VWA3B: variants seen among roughly 807,000 people sequenced by gnomAD.
The protein encoded by VWA3B is von Willebrand factor A domain containing 3B.
A neutral mutation model predicts 158.3 loss-of-function variants in VWA3B; 138 were observed. The observed-to-expected ratio is 0.87, with a 90% CI of 0.76 to 1.00. VWA3B has a LOEUF of 1.00. Among genes scored for constraint, VWA3B ranks in the 50% least tolerant of loss-of-function variants. The probability of loss-of-function intolerance (pLI) is 0.00; values close to 1 mark genes in which losing one functional copy is unlikely to be tolerated. For missense variants in VWA3B, 1,555 were observed against 1,565.1 expected, an observed-to-expected ratio of 0.99 and a Z score of 0.11; for synonymous variants, 596 against 587.3, an observed-to-expected ratio of 1.01 and a Z score of -0.21.
Position 98,312,347 on chromosome 2 carries a change from T to A in VWA3B, c.3883T>A (p.Ter1295LysextTer32), listed in dbSNP as rs199954612. 127 of 1,605,932 alleles carry A rather than the reference T, an allele frequency of 7.9e-5. No individual in the cohort carries two copies. In the East Asian group the frequency reaches 2.8e-3, roughly 35 times the overall value. Residue 1295 changes from the stop codon to lysine, a stop_lost, in exon 28 of 28, where the codon TAA (stop) becomes AAA (lysine). Transcript: ENST00000477737. Reference sequence around the variant, plus strand: ...GCTGAGGAGCGTCCCTGAGACACTTTAAGGCCGTCTGGTGGCAGCTATGTT... The same window carrying A: ...GCTGAGGAGCGTCCCTGAGACACTTAAAGGCCGTCTGGTGGCAGCTATGTT... The part of the protein sequence containing the change: ...KGLRSVPETL[*>K]
At chr2:98,155,665 G>A (rs1573927941) in intron 7 of VWA3B, among the ~76,000 whole-genome samples, 1 of 152,172 alleles carries the variant, frequency 6.6e-6, no homozygotes, top group South Asian at 2.1e-4. Flanking sequence ...TCAGCAGGAA[G>A]CAGCCATTAT....
chr2:98,257,874 C>A (rs1472503069), intron 21 of VWA3B, among the ~76,000 whole-genome samples: 2 of 151,796 alleles, frequency 1.3e-5, no homozygotes, highest in Non-Finnish European at 1.5e-5. Flanking sequence ...GAAGTGAATT[C>A]TTCTTTTTTT....
intron 12 of VWA3B, among the ~76,000 whole-genome samples, chr2:98,209,014 T>C (rs989565479): frequency 2.6e-5 from 4 of 152,194 alleles, no homozygotes; most frequent in African/African-American, 9.6e-5. Flanking sequence ...CTGGCAGTTA[T>C]TTTCTCTCAG....
chr2:98,297,902 TC>T lies in VWA3B; in HGVS notation c.3158-3del. ...ATATTTTATGTTTTCTTTGATTCCT[TC>T]CAGGGGTTGTGAAGAAGTGTGTGAG... On this transcript the variant is annotated splice_polypyrimidine_tract_variant and splice_region_variant and intron_variant, in intron 23 of 27. Coordinates refer to ENST00000477737, the MANE Select transcript of VWA3B (RefSeq NM_144992.5). 6.6e-7 allele frequency: 1 copy of T among 1,510,108 alleles called. No individual in the cohort carries two copies. Among genetic ancestry groups the T allele is most frequent in the Non-Finnish European group, 8.9e-7 (1 of 1,127,130 alleles). The allele number at this position is 1,510,108 out of a possible 1,614,324, so 93.5% of individuals were successfully genotyped here. A position where few individuals can be genotyped will look rare whatever the true frequency, so the allele number is the denominator to read the frequency against.
At chr2:98,181,923 A>G (rs1680619327) in intron 9 of VWA3B, among the ~76,000 whole-genome samples, 1 of 152,232 alleles carries the variant, frequency 6.6e-6, no homozygotes, top group African/African-American at 2.4e-5. Context: ...AGAAGCAGAG[A>G]GGTGTAGAAC....
intron 19 of VWA3B, among the ~76,000 whole-genome samples, chr2:98,237,735 A>G (rs1685798253): frequency 6.6e-6 from 1 of 152,250 alleles, no homozygotes; most frequent in African/African-American, 2.4e-5. Flanking sequence ...CGATTTAAAT[A>G]GAAACATTTC....
In VWA3B at chr2:98,097,047, T is replaced by C. The variant is rs191531716; in HGVS notation, c.196+3759T>C. On this transcript the variant is annotated intron_variant, in intron 2 of 27. Coordinates refer to ENST00000477737, the MANE Select transcript of VWA3B (RefSeq NM_144992.5). ...TTTGCTGTACCCATAGGTTTTGTTA[T>C]GTTGTATTTCCATTTTCATTTGTCT... Among the ~76,000 whole-genome samples the C allele has an allele frequency of 1.1e-3, 165 of 152,274 alleles. 1 individual carries two copies. The highest frequency in any genetic ancestry group is 6.8e-3 in the Middle Eastern group (2 of 294).
downstream of VWA3B, among the ~76,000 whole-genome samples, chr2:98,314,213 G>A (rs1302732765): frequency 6.6e-6 from 1 of 152,212 alleles, no homozygotes; most frequent in East Asian, 1.9e-4. Context: ...CACCAAGGTA[G>A]CTGGAGTTTA....
At chr2:98,238,411 T>C (rs1685849726) in intron 19 of VWA3B, among the ~76,000 whole-genome samples, 1 of 152,206 alleles carries the variant, frequency 6.6e-6, no homozygotes, top group South Asian at 2.1e-4. Flanking sequence ...TGTAGGAGGT[T>C]TGGGGACAGC....
chr2:98,175,555 A>T, intron 8 of VWA3B, among the ~76,000 whole-genome samples: 1 of 152,244 alleles, frequency 6.6e-6, no homozygotes, highest in Middle Eastern at 3.2e-3. Context: ...AATGAAAAAA[A>T]CCAAACAGAG....
At chr2:98,253,778 C>G (rs1686949286) in intron 20 of VWA3B, among the ~76,000 whole-genome samples, 4 of 152,076 alleles carry the variant, frequency 2.6e-5, no homozygotes. Context: ...AATCCCTTAG[C>G]CAAATTTCTC....
At chr2:98,087,477 A>G (rs1010419672) in intron 1 of VWA3B, 114 bp downstream of exon 1, 1 of 152,204 alleles carries the variant, frequency 6.6e-6, no homozygotes, top group African/African-American at 2.4e-5. Context: ...CTACACGCCC[A>G]CTTTACAGAT....
In VWA3B at chr2:98,125,326, C is replaced by G. The variant is rs749588490; in HGVS notation, c.703-2913C>G. ...ATTGCTTGCTCTTACTTTCAGAATT[C>G]TGGGGCTCACATTCATCTCTAACAG... On this transcript the variant is annotated intron_variant, in intron 5 of 27. Coordinates refer to ENST00000477737, the MANE Select transcript of VWA3B (RefSeq NM_144992.5). This position sits in a 1 kb window ranked among gnomAD's most constrained non-coding sequence, Gnocchi z 4.1. Among the ~76,000 whole-genome samples the G allele has an allele frequency of 4.5e-4, 69 of 152,320 alleles. No individual in the cohort carries two copies. The highest frequency in any genetic ancestry group is 3.4e-3 in the Middle Eastern group (1 of 294).
intron 14 of VWA3B, among the ~76,000 whole-genome samples, chr2:98,222,847 A>G (rs1684622526): frequency 6.6e-6 from 1 of 152,244 alleles, no homozygotes. Flanking sequence ...AAATTTAAGC[A>G]GGGCAACTAC....
intron 9 of VWA3B, among the ~76,000 whole-genome samples, chr2:98,183,873 G>A (rs907877672): frequency 6.6e-6 from 1 of 152,232 alleles, no homozygotes; most frequent in African/African-American, 2.4e-5. Flanking sequence ...ATGCATGTCT[G>A]AGCACAGTGC....
intron 12 of VWA3B, among the ~76,000 whole-genome samples, chr2:98,198,440 G>A (rs868223662): frequency 2.0e-5 from 3 of 151,778 alleles, no homozygotes; most frequent in Middle Eastern, 3.4e-3. Flanking sequence ...TCTCTTTAGC[G>A]TGCTTATGTC....
intron 23 of VWA3B, 71 bp from the exon 24 acceptor site, chr2:98,297,836 A>T: frequency 7.1e-7 from 1 of 1,415,150 alleles, no homozygotes; most frequent in Non-Finnish European, 9.3e-7. Flanking sequence ...CATGGCCAGA[A>T]AGATGGCACA....
At chr2:98,280,542 G>A (rs184969495) in intron 22 of VWA3B, among the ~76,000 whole-genome samples, 94 of 152,336 alleles carry the variant, frequency 6.2e-4, no homozygotes, top group Non-Finnish European at 9.8e-4. Flanking sequence ...TGTTTCTTGT[G>A]CCTCTTAGCC....
chr2:98,321,104 A>G, the VWA3B span, among the ~76,000 whole-genome samples: 1 of 152,250 alleles, frequency 6.6e-6, no homozygotes, highest in Non-Finnish European at 1.5e-5. Flanking sequence ...CTGTTGCTTC[A>G]GAGGATGCAA....
Sources: gnomAD v4.1 joint callset for allele counts (sites outside exome capture counted in the v4.1 genomes callset) on GRCh38, gnomAD v4.1.1 for gene constraint, Gnocchi (gnomAD v3.1) non-coding constraint, MANE v1.5 for transcripts, NCBI Gene and HGNC (gene_info 2026-07-23, HGNC 2026-07-21) for gene names.